Variants in MAP2K6 observed in about 807,000 individuals in gnomAD.
MAP2K6 encodes the protein mitogen-activated protein kinase kinase 6.
MAP2K6 carries 16 observed loss-of-function variants against 53.7 expected under a neutral mutation model. The observed-to-expected ratio is 0.30, with a 90% CI of 0.20 to 0.45. The LOEUF (loss-of-function observed/expected upper bound fraction) is 0.45, where lower values mean the gene tolerates loss of function less well. Ranked by LOEUF, MAP2K6 falls within the 20% of genes least tolerant of loss-of-function variation. The probability of loss-of-function intolerance (pLI) is 1.00; values close to 1 mark genes in which losing one functional copy is unlikely to be tolerated. For missense variants in MAP2K6, 204 were observed against 411.9 expected (o/e 0.50, Z 4.37); for synonymous variants, 132 against 143.1 (o/e 0.92, Z 0.55).
At chr17:69,479,283 C>T (rs1908266585) in intron 1 of MAP2K6, among the ~76,000 whole-genome samples, 1 of 152,086 alleles carries the variant, frequency 6.6e-6, no homozygotes. Context: ...TCAAGCATCC[C>T]TAATCTGAAA....
chr17:69,520,164 A>G (rs1037792787), intron 5 of MAP2K6, 106 bp from the exon 6 acceptor site: 2 of 645,144 alleles, frequency 3.1e-6, no homozygotes, highest in African/African-American at 3.7e-5. Flanking sequence ...AAAATTCAAG[A>G]AAGAAATAGT....
chr17:69,416,345 A>G (rs948235487), intron 1 of MAP2K6, among the ~76,000 whole-genome samples: 10 of 152,178 alleles, frequency 6.6e-5, no homozygotes, highest in Admixed American at 5.2e-4. Flanking sequence ...GAAATCTGAA[A>G]AGTTAAGAGT....
At chr17:69,525,063 C>A (rs1263525138) in intron 9 of MAP2K6, 85 bp downstream of exon 9, 8 of 1,175,434 alleles carry the variant, frequency 6.8e-6, no homozygotes, top group African/African-American at 3.0e-5. Context: ...GAAACAAATG[C>A]CCTAAATGCT....
intron 1 of MAP2K6, among the ~76,000 whole-genome samples, chr17:69,457,412 G>A (rs1442409524): frequency 1.3e-5 from 2 of 152,186 alleles, no homozygotes; most frequent in Non-Finnish European, 2.9e-5. Context: ...AATGAACATA[G>A]GAGCTCAAGT....
chr17:69,495,245 AT>A (rs202032424), intron 1 of MAP2K6, among the ~76,000 whole-genome samples: 6,117 of 148,154 alleles, frequency 0.041, 420 homozygotes, highest in African/African-American at 0.14. Context: ...TCTTTTATTT[AT>A]TTTTTTTTTG....
At chr17:69,437,395 G>A (rs1860309751) in intron 1 of MAP2K6, among the ~76,000 whole-genome samples, 4 of 152,090 alleles carry the variant, frequency 2.6e-5, no homozygotes, top group Admixed American at 2.6e-4. Context: ...AGGAGGAGGA[G>A]GAAGAAGAGG....
intron 1 of MAP2K6, among the ~76,000 whole-genome samples, chr17:69,431,107 C>T (rs1473614935): frequency 6.6e-6 from 1 of 152,140 alleles, no homozygotes; most frequent in East Asian, 1.9e-4. Flanking sequence ...TAATCCTTCT[C>T]AAAACCTGGG....
Position 69,494,531 on chromosome 17 carries a change from T to TGG in MAP2K6, c.17-11248_17-11247dup, listed in dbSNP as rs1422481452. ...AAAAGAAAGGAAAAAACAAAATGAA[T>TGG]GGAGAGCCCCTGGATTAAAAGGGAA... is the stretch of plus-strand genomic sequence containing the variant. On this transcript the variant is annotated intron_variant, in intron 1 of 11. Transcript: ENST00000590474. The surrounding 1 kb of genome is among the most constrained non-coding windows in gnomAD (Gnocchi z 4.2). Among the ~76,000 whole-genome samples, 2 of 151,026 alleles carry TGG rather than the reference T, an allele frequency of 1.3e-5. No homozygotes were observed. The highest frequency in any genetic ancestry group is 4.9e-5 in the African/African-American group (2 of 41,108).
intron 1 of MAP2K6, among the ~76,000 whole-genome samples, chr17:69,478,474 C>G (rs1170787014): frequency 6.6e-6 from 1 of 152,118 alleles, no homozygotes; most frequent in African/African-American, 2.4e-5. Flanking sequence ...CTCTTGTTGC[C>G]CAGGCTGGGG....
chr17:69,428,494 A>G (rs1189971390), intron 1 of MAP2K6, among the ~76,000 whole-genome samples: 1 of 152,230 alleles, frequency 6.6e-6, no homozygotes, highest in Non-Finnish European at 1.5e-5. Context: ...CCAGTATGAC[A>G]TCATCTGTCA....
At chr17:69,541,419 A>G (rs1005068177) in intron 11 of MAP2K6, among the ~76,000 whole-genome samples, 14 of 151,446 alleles carry the variant, frequency 9.2e-5, no homozygotes, top group African/African-American at 3.4e-4. Flanking sequence ...CTTACGTAGC[A>G]TAATTACACT....
chr17:69,541,711 A>C lies in MAP2K6; in HGVS notation c.963A>C (p.Gly321=). The part of the protein sequence containing the change: ...HPFFTLHESK[G]TDVASFVKLI... ...TTTTCACCCTACATGAATCCAAAGG[A>C]ACAGATGTGGCATCTTTTGTAAAAC... is the stretch of plus-strand genomic sequence containing the variant. Residue 321 remains glycine, a synonymous_variant, in exon 12 of 12, where the codon GGA becomes GGC. Transcript: ENST00000590474. 6.2e-7 allele frequency: 1 copy of C among 1,612,928 alleles called. No individual in the cohort carries two copies. The highest frequency in any genetic ancestry group is 8.5e-7 in the Non-Finnish European group (1 of 1,179,168).
chr17:69,549,762 T>G lies in MAP2K6; in HGVS notation c.*8009T>G, dbSNP rs944731386. 3 of 152,180 alleles carry G rather than the reference T, an allele frequency of 2.0e-5. No individual in the cohort carries two copies. The highest frequency in any genetic ancestry group is 4.8e-5 in the African/African-American group (2 of 41,452). 9.4% of individuals were successfully genotyped at this position (152,180 alleles called of 1,614,324 possible). On this transcript the variant is annotated 3_prime_UTR_variant, in exon 12 of 12. Transcript: ENST00000590474. Reference sequence around the variant, plus strand: ...CTATTGTGGTCAGAAATGGGTAATTTGCATCATTTGGTCACTATCAATATT... The same window carrying G: ...CTATTGTGGTCAGAAATGGGTAATTGGCATCATTTGGTCACTATCAATATT...
intron 4 of MAP2K6, among the ~76,000 whole-genome samples, chr17:69,518,228 C>T (rs1418213260): frequency 6.6e-6 from 1 of 151,914 alleles, no homozygotes; most frequent in Non-Finnish European, 1.5e-5. Flanking sequence ...AATGATACTT[C>T]CTTCATCTAA....
chr17:69,512,346 T>G (rs998540361), intron 2 of MAP2K6, among the ~76,000 whole-genome samples: 54 of 131,282 alleles, frequency 4.1e-4, no homozygotes, highest in Non-Finnish European at 2.7e-4. Flanking sequence ...TTTGTTTTTT[T>G]TTTTTTTTTT....
chr17:69,504,161 G>A (rs113174432), intron 1 of MAP2K6, among the ~76,000 whole-genome samples: 25,028 of 123,176 alleles, frequency 0.2, 2,177 homozygotes, highest in Middle Eastern at 0.29. Flanking sequence ...ATTTTAATTG[G>A]TTTAAGTTTC....
chr17:69,541,313 A>C (rs1023345241), intron 11 of MAP2K6, among the ~76,000 whole-genome samples: 2 of 152,166 alleles, frequency 1.3e-5, no homozygotes, highest in Non-Finnish European at 2.9e-5. Context: ...TCTTACTACT[A>C]TATTAGCCTA....
At chr17:69,449,507 T>TTTTTCTTTCTTTCTTTG (rs1324798693) in intron 1 of MAP2K6, among the ~76,000 whole-genome samples, 3 of 144,048 alleles carry the variant, frequency 2.1e-5, no homozygotes, top group South Asian at 2.2e-4. Context: ...TCTTTTTTCT[T>TTTTTCTTTCTTTCTTTG]TCTTTCTTTG....
At position 69,477,307 on chromosome 17, in the gene MAP2K6, G is replaced by A. The variant is rs1908186308; in HGVS notation, c.17-28473G>A. On this transcript the variant is annotated intron_variant, in intron 1 of 11. Transcript: ENST00000590474. The stretch of plus-strand genomic sequence containing the variant: ...ATGAAATTTATCTCAGCACTGTAAG[G>A]AACTAATGGGGTTATCGTCTCCTGT... 3 of 152,196 alleles carry A rather than the reference G, an allele frequency of 2.0e-5. No individual in the cohort carries two copies. In the South Asian group the frequency reaches 6.2e-4, roughly 32 times the overall value. The allele number at this position is 152,196 out of a possible 1,614,324, so 9.4% of individuals were successfully genotyped here. A position where few individuals can be genotyped will look rare whatever the true frequency, so the allele number is the denominator to read the frequency against.
Sources: gnomAD v4.1 joint callset for allele counts (sites outside exome capture counted in the v4.1 genomes callset) on GRCh38, gnomAD v4.1.1 for gene constraint, Gnocchi (gnomAD v3.1) non-coding constraint, MANE v1.5 for transcripts, NCBI Gene and HGNC (gene_info 2026-07-23, HGNC 2026-07-21) for gene names.